ARHGAP24: variants seen among roughly 807,000 people sequenced by gnomAD.
The protein encoded by ARHGAP24 is rho GTPase-activating protein 24.
A neutral mutation model predicts 76.4 loss-of-function variants in ARHGAP24; 50 were observed. The observed-to-expected ratio is 0.65, with a 90% CI of 0.52 to 0.83. The LOEUF (loss-of-function observed/expected upper bound fraction) is 0.83, where lower values mean the gene tolerates loss of function less well. Among genes scored for constraint, ARHGAP24 ranks in the 40% least tolerant of loss-of-function variants. The probability of loss-of-function intolerance (pLI) is 0.00; values close to 1 mark genes in which losing one functional copy is unlikely to be tolerated. For synonymous variants in ARHGAP24, 345 were observed against 323.3 expected (o/e 1.07, Z -0.72); for missense variants, 930 against 914.2 (o/e 1.02, Z -0.22).
chr4:85,740,649 T>A (rs1164647744), intron 3 of ARHGAP24, among the ~76,000 whole-genome samples: 1 of 152,236 alleles, frequency 6.6e-6, no homozygotes, highest in South Asian at 2.1e-4. Flanking sequence ...TCAATAAAAA[T>A]TGATAAATAT....
intron 3 of ARHGAP24, among the ~76,000 whole-genome samples, chr4:85,857,050 A>G (rs1026067420): frequency 6.6e-6 from 1 of 152,218 alleles, no homozygotes; most frequent in East Asian, 1.9e-4. Flanking sequence ...TGTTGCTGCC[A>G]TCATAAGCAA....
intron 1 of ARHGAP24, among the ~76,000 whole-genome samples, chr4:85,546,568 GC>G (rs1313052380): frequency 1.3e-5 from 2 of 152,134 alleles, no homozygotes; most frequent in Non-Finnish European, 2.9e-5. Flanking sequence ...AGTTCATTCA[GC>G]CTCTTTATCT....
intron 1 of ARHGAP24, among the ~76,000 whole-genome samples, chr4:85,475,796 C>T (rs942712027): frequency 6.6e-6 from 1 of 151,768 alleles, no homozygotes; most frequent in East Asian, 2.0e-4. Flanking sequence ...TGTGTGTGCG[C>T]GCGCGCGCAT....
chr4:85,784,218 C>T (rs1293644889), intron 3 of ARHGAP24, among the ~76,000 whole-genome samples: 2 of 152,004 alleles, frequency 1.3e-5, no homozygotes, highest in Non-Finnish European at 2.9e-5. Flanking sequence ...CCCTCATGCT[C>T]TTCTTGAAAT....
At chr4:85,619,931 T>C (rs547087030) in intron 2 of ARHGAP24, among the ~76,000 whole-genome samples, 38 of 152,134 alleles carry the variant, frequency 2.5e-4, no homozygotes, top group African/African-American at 9.1e-4. Flanking sequence ...CATATAATTT[T>C]AATACTTCAT....
chr4:85,786,736 C>T (rs143778951), intron 3 of ARHGAP24, among the ~76,000 whole-genome samples: 1 of 152,170 alleles, frequency 6.6e-6, no homozygotes, highest in Non-Finnish European at 1.5e-5. Flanking sequence ...TTCTTCCTTC[C>T]CCTCAGGCTT....
At chr4:85,581,520 T>G (rs1026708301) in intron 2 of ARHGAP24, among the ~76,000 whole-genome samples, 1 of 152,184 alleles carries the variant, frequency 6.6e-6, no homozygotes, top group Non-Finnish European at 1.5e-5. Flanking sequence ...GGATAAGAGC[T>G]CACTGACTTA....
At chr4:85,580,810 C>G (rs977290876) in intron 2 of ARHGAP24, among the ~76,000 whole-genome samples, 3 of 152,114 alleles carry the variant, frequency 2.0e-5, no homozygotes, top group African/African-American at 7.2e-5. Context: ...CCACAGTGAT[C>G]GTATCTGACT....
chr4:85,484,247 C>T (rs962702411), intron 1 of ARHGAP24, among the ~76,000 whole-genome samples: 1 of 152,016 alleles, frequency 6.6e-6, no homozygotes, highest in African/African-American at 2.4e-5. Context: ...GCCCTGAGCC[C>T]GGGACTCTAA....
intron 1 of ARHGAP24, among the ~76,000 whole-genome samples, chr4:85,552,580 T>G (rs1484597562): frequency 6.6e-6 from 1 of 152,148 alleles, no homozygotes; most frequent in Non-Finnish European, 1.5e-5. Context: ...TTTGTTAACT[T>G]TGTGCCTCTA....
chr4:85,510,046 C>T, intron 1 of ARHGAP24, among the ~76,000 whole-genome samples: 1 of 152,098 alleles, frequency 6.6e-6, no homozygotes, highest in East Asian at 1.9e-4. Flanking sequence ...ACACTTGGCT[C>T]TTGGCACTAA....
chr4:85,672,569 A>T (rs1722848378), intron 2 of ARHGAP24, among the ~76,000 whole-genome samples: 1 of 152,110 alleles, frequency 6.6e-6, no homozygotes, highest in Non-Finnish European at 1.5e-5. Context: ...TACCAGCGTG[A>T]TTATTACTCT....
intron 1 of ARHGAP24, among the ~76,000 whole-genome samples, chr4:85,529,931 T>C (rs760550154): frequency 1.1e-4 from 17 of 152,028 alleles, no homozygotes; most frequent in Non-Finnish European, 1.9e-4. Context: ...TTTTATTTCT[T>C]TTGAGAGTTG....
chr4:85,608,261 C>T (rs533627380), intron 2 of ARHGAP24, among the ~76,000 whole-genome samples: 9 of 152,134 alleles, frequency 5.9e-5, no homozygotes, highest in Non-Finnish European at 1.0e-4. Flanking sequence ...GACATAAATA[C>T]GGTATGCTAA....
At chr4:85,805,411 T>C (rs1367058619) in intron 3 of ARHGAP24, among the ~76,000 whole-genome samples, 1 of 152,176 alleles carries the variant, frequency 6.6e-6, no homozygotes, top group Non-Finnish European at 1.5e-5. Flanking sequence ...CCGACATCTG[T>C]TACAGAGTCA....
intron 3 of ARHGAP24, chr4:85,778,558 A>C (rs1428209869): frequency 6.1e-6 from 4 of 650,892 alleles, no homozygotes; most frequent in African/African-American, 2.0e-5. Flanking sequence ...CACCCGGCTA[A>C]ATTATATTTA....
intron 8 of ARHGAP24, 112 bp from the exon 9 acceptor site, chr4:85,994,471 C>G: frequency 9.4e-7 from 1 of 1,058,806 alleles, no homozygotes. Context: ...TGGTTTGGTA[C>G]TGATAATAAT....
intron 2 of ARHGAP24, among the ~76,000 whole-genome samples, chr4:85,707,871 G>A (rs1375400530): frequency 1.3e-5 from 2 of 152,072 alleles, no homozygotes; most frequent in Non-Finnish European, 2.9e-5. Flanking sequence ...GCTGGTTTGG[G>A]TCATAAATTA....
At chr4:85,742,832 G>A (rs990894149) in intron 3 of ARHGAP24, among the ~76,000 whole-genome samples, 1 of 152,122 alleles carries the variant, frequency 6.6e-6, no homozygotes, top group Non-Finnish European at 1.5e-5. Flanking sequence ...TTATATTTTA[G>A]TGCCATTTTG....
Sources: gnomAD v4.1 joint callset for allele counts (sites outside exome capture counted in the v4.1 genomes callset) on GRCh38, gnomAD v4.1.1 for gene constraint, MANE v1.5 for transcripts, NCBI Gene and HGNC (gene_info 2026-07-23, HGNC 2026-07-21) for gene names.